Variants in PDE4D observed in about 807,000 individuals in gnomAD.
The protein encoded by PDE4D is phosphodiesterase 4D.
PDE4D carries 24 observed loss-of-function variants against 87.4 expected under a neutral mutation model. The ratio of observed to expected loss-of-function variants is 0.27; its 90% confidence interval spans 0.20 to 0.39. The LOEUF (loss-of-function observed/expected upper bound fraction) is 0.39. Among genes scored for constraint, PDE4D ranks in the 10% least tolerant of loss-of-function variants. The pLI, the probability that PDE4D is intolerant of heterozygous loss-of-function variation, is 1.00. For synonymous variants in PDE4D, 384 were observed against 383.2 expected (o/e 1.00, Z -0.02); for missense variants, 714 against 1,041.0 (o/e 0.69, Z 4.32).
intron 2 of PDE4D, among the ~76,000 whole-genome samples, chr5:60,144,711 A>G (rs1780848136): frequency 6.6e-6 from 1 of 152,156 alleles, no homozygotes; most frequent in Non-Finnish European, 1.5e-5. Context: ...CTCCTCTCTC[A>G]GCTTTGGAAT....
intron 1 of PDE4D, among the ~76,000 whole-genome samples, chr5:59,401,062 A>C (rs1790522297): frequency 6.6e-6 from 1 of 152,204 alleles, no homozygotes; most frequent in South Asian, 2.1e-4. Context: ...AGTGTACACA[A>C]ACTTTGTTTC....
At chr5:59,988,303 C>G in intron 3 of PDE4D, 2 of 477,924 alleles carry the variant, frequency 4.2e-6, no homozygotes, top group East Asian at 6.1e-5. Flanking sequence ...AACAATTTCA[C>G]TAAAATGTCT....
chr5:60,046,976 G>A (rs1025018679), intron 2 of PDE4D, among the ~76,000 whole-genome samples: 8 of 152,000 alleles, frequency 5.3e-5, no homozygotes, highest in East Asian at 1.9e-4. Flanking sequence ...GGTAGAATTC[G>A]GCTGTGAATC....
At chr5:59,203,324 C>CA (rs1297253562) in intron 2 of PDE4D, among the ~76,000 whole-genome samples, 2 of 150,142 alleles carry the variant, frequency 1.3e-5, no homozygotes, top group African/African-American at 4.9e-5. Context: ...TTTTTTTAAT[C>CA]AAAAAAAGGT....
intron 3 of PDE4D, among the ~76,000 whole-genome samples, chr5:59,934,852 A>G (rs1417910782): frequency 6.6e-6 from 1 of 152,216 alleles, no homozygotes; most frequent in Non-Finnish European, 1.5e-5. Flanking sequence ...AACAGGATTC[A>G]GGCAAACTTA....
At position 59,288,159 on chromosome 5, in the gene PDE4D, T is replaced by C. The variant is rs576051582; in HGVS notation, c.456-72191A>G. Reference sequence around the variant, plus strand: ...GACCAGTCCTGGAGAGACAGAGATATGTGACCTTTTAGACAGAGGAAACTC... The same window carrying C: ...GACCAGTCCTGGAGAGACAGAGATACGTGACCTTTTAGACAGAGGAAACTC... On this transcript the variant is annotated intron_variant, in intron 1 of 14. Coordinates refer to ENST00000340635, the MANE Select transcript of PDE4D (RefSeq NM_001104631.2). Among the ~76,000 whole-genome samples the C allele has an allele frequency of 1.2e-4, 19 of 152,172 alleles. No homozygotes were observed. The East Asian group carries it at 3.7e-3, about 30-fold the overall frequency.
chr5:59,207,245 C>T (rs1184968136), intron 2 of PDE4D, among the ~76,000 whole-genome samples: 2 of 152,030 alleles, frequency 1.3e-5, no homozygotes, highest in Non-Finnish European at 2.9e-5. Flanking sequence ...TACACTGGAG[C>T]ATGGTTTTGA....
intron 1 of PDE4D, among the ~76,000 whole-genome samples, chr5:59,568,931 G>A (rs996119526): frequency 1.1e-4 from 16 of 152,114 alleles, no homozygotes; most frequent in Non-Finnish European, 2.9e-5. Context: ...TTCATTCATT[G>A]TAACAAAAGT....
chr5:59,335,223 T>C (rs577236750), intron 1 of PDE4D, among the ~76,000 whole-genome samples: 3 of 152,310 alleles, frequency 2.0e-5, no homozygotes, highest in East Asian at 1.9e-4. Flanking sequence ...CCTGGCATAG[T>C]ATAGGTGCTC....
intron 1 of PDE4D, among the ~76,000 whole-genome samples, chr5:59,398,423 A>G (rs1342516854): frequency 6.9e-6 from 1 of 144,526 alleles, no homozygotes; most frequent in Non-Finnish European, 1.5e-5. Context: ...AGGCTGGTTC[A>G]ATATACACAA....
Position 59,754,797 on chromosome 5 carries a change from A to ATTTTTTTTTTTT in PDE4D, c.455+138359_455+138370dup, listed in dbSNP as rs754869518. ...GCAGGTACAGAATTTTCCACAGAAC[A>ATTTTTTTTTTTT]TTTTTTTTTTTTTTTTTTTTTTTTT... On this transcript the variant is annotated intron_variant, in intron 1 of 14. Coordinates refer to ENST00000340635, the MANE Select transcript of PDE4D (RefSeq NM_001104631.2). Among the ~76,000 whole-genome samples, 12 of 96,868 alleles carry ATTTTTTTTTTTT rather than the reference A, an allele frequency of 1.2e-4. 5 individuals are homozygous for ATTTTTTTTTTTT. Among genetic ancestry groups the ATTTTTTTTTTTT allele is most frequent in the Admixed American group, 1.1e-4 (1 of 9,438 alleles). The allele number at this position is 96,868 out of a possible 152,430, so 63.5% of individuals were successfully genotyped here.
At chr5:60,225,652 G>T (rs1745005134) in intron 1 of PDE4D, among the ~76,000 whole-genome samples, 1 of 152,030 alleles carries the variant, frequency 6.6e-6, no homozygotes, top group Non-Finnish European at 1.5e-5. Flanking sequence ...TCCTCACTTT[G>T]CTGAATTCTA....
chr5:59,896,052 G>A (rs1187885447), upstream of PDE4D, among the ~76,000 whole-genome samples: 5 of 152,086 alleles, frequency 3.3e-5, no homozygotes, highest in African/African-American at 1.2e-4. Flanking sequence ...AAATGTTATT[G>A]ATAGTAATAG....
intron 1 of PDE4D, among the ~76,000 whole-genome samples, chr5:60,287,182 C>A (rs548375489): frequency 6.6e-6 from 1 of 152,272 alleles, no homozygotes; most frequent in Non-Finnish European, 1.5e-5. Flanking sequence ...AATGGTAAAA[C>A]CTAGCTTGTG....
chr5:59,334,692 G>A (rs1339213802), intron 1 of PDE4D, among the ~76,000 whole-genome samples: 1 of 151,830 alleles, frequency 6.6e-6, no homozygotes, highest in Non-Finnish European at 1.5e-5. Context: ...TACCACCATT[G>A]TTTTACTTAG....
chr5:59,131,029 C>G (rs1776176756), intron 5 of PDE4D, among the ~76,000 whole-genome samples: 1 of 152,158 alleles, frequency 6.6e-6, no homozygotes, highest in South Asian at 2.1e-4. Context: ...GAAGGGGTGC[C>G]CTTTTCTATT....
chr5:59,674,465 G>T (rs566409705), intron 1 of PDE4D, among the ~76,000 whole-genome samples: 6 of 152,134 alleles, frequency 3.9e-5, no homozygotes, highest in African/African-American at 1.4e-4. Flanking sequence ...TATTATGTCT[G>T]TCTCTAAAAT....
intron 1 of PDE4D, among the ~76,000 whole-genome samples, chr5:59,386,173 C>A (rs1419362527): frequency 1.3e-5 from 2 of 152,066 alleles, no homozygotes; most frequent in Non-Finnish European, 2.9e-5. Flanking sequence ...GGAGTCCATT[C>A]TTTTAGATTG....
At chr5:59,063,661 C>T (rs147903339) in intron 5 of PDE4D, among the ~76,000 whole-genome samples, 320 of 152,198 alleles carry the variant, frequency 2.1e-3, no homozygotes, top group African/African-American at 6.5e-3. Context: ...AATGGATATA[C>T]GTGATCAAAA....
Sources: allele counts gnomAD v4.1 joint callset (sites outside exome capture counted in the v4.1 genomes callset), GRCh38; gene constraint gnomAD v4.1.1; transcripts MANE v1.5; gene names NCBI Gene and HGNC (gene_info 2026-07-23, HGNC 2026-07-21).